Variants in PRCC observed in about 807,000 individuals in gnomAD.
The protein encoded by PRCC is proline-rich protein PRCC.
In PRCC, 10 loss-of-function variants were observed where a neutral mutation model predicts 44.0. That is an observed-to-expected ratio of 0.23 (90% CI 0.14 to 0.39). The LOEUF (loss-of-function observed/expected upper bound fraction) is 0.39. PRCC is among the 10% of genes least tolerant of loss of function. The pLI is 1.00. For synonymous variants in PRCC, 278 were observed against 259.5 expected, an observed-to-expected ratio of 1.07 and a Z score of -0.69; for missense variants, 573 against 624.7, an observed-to-expected ratio of 0.92 and a Z score of 0.88.
chr1:156,789,652 C>T (rs1156428197), intron 3 of PRCC, among the ~76,000 whole-genome samples: 1 of 151,894 alleles, frequency 6.6e-6, no homozygotes, highest in Non-Finnish European at 1.5e-5. Context: ...AAAGAGAATC[C>T]TGAGGGTGGT....
chr1:156,779,128 ATTTTTTTTTTTTTTTTTTT>A (rs869088692), intron 1 of PRCC, among the ~76,000 whole-genome samples: 23 of 35,884 alleles, frequency 6.4e-4, no homozygotes, highest in Admixed American at 6.3e-3. Context: ...ATATATATAT[ATTTTTTTTTTTTTTTTTTT>A]TTTTTTTTTT....
chr1:156,791,595 A>G, intron 3 of PRCC, 102 bp from the exon 4 acceptor site: 6 of 1,060,134 alleles, frequency 5.7e-6, no homozygotes, highest in Non-Finnish European at 1.4e-6. Flanking sequence ...CTATCTCACC[A>G]TTGCCTCTTT....
chr1:156,780,387 TTTTTAAATTTA>T (rs1288583015), intron 1 of PRCC, among the ~76,000 whole-genome samples: 1 of 151,688 alleles, frequency 6.6e-6, no homozygotes, highest in African/African-American at 2.4e-5. Flanking sequence ...TTGTTAATTT[TTTTTAAATTTA>T]TTTTAAATTT....
At chr1:156,783,768 A>T (rs1169249208) in intron 2 of PRCC, among the ~76,000 whole-genome samples, 1 of 151,528 alleles carries the variant, frequency 6.6e-6, no homozygotes, top group Non-Finnish European at 1.5e-5. Context: ...AAAATACATA[A>T]AAATAAAATA....
At chr1:156,770,149 G>A (rs1470507750) in intron 1 of PRCC, among the ~76,000 whole-genome samples, 2 of 152,196 alleles carry the variant, frequency 1.3e-5, no homozygotes, top group East Asian at 3.8e-4. Flanking sequence ...TGCCATTTGG[G>A]TTGGCTGAGG....
At chr1:156,791,093 G>A (rs776910370) in intron 3 of PRCC, 2 of 1,412,880 alleles carry the variant, frequency 1.4e-6, no homozygotes, top group South Asian at 1.1e-5. Flanking sequence ...TGGGCCACTC[G>A]CCTCTAAGGG....
chr1:156,786,553 A>G (rs1165360537), intron 2 of PRCC, 55 bp from the exon 3 acceptor site: 6 of 1,530,994 alleles, frequency 3.9e-6, no homozygotes, highest in African/African-American at 2.8e-5. Flanking sequence ...TTGCTAGTAC[A>G]TAAAATCTCA....
chr1:156,775,168 A>C (rs1651777989), intron 1 of PRCC, among the ~76,000 whole-genome samples: 1 of 151,876 alleles, frequency 6.6e-6, no homozygotes, highest in Non-Finnish European at 1.5e-5. Flanking sequence ...GAATGGTGTG[A>C]ACCCGGGAGG....
rs920296999 is a variant in PRCC, at chr1:156,768,249, C to T, written c.468+10C>T. 7.8e-6 allele frequency: 12 copies of T among 1,538,386 alleles called. No homozygotes were observed. In the Admixed American group the frequency reaches 1.2e-4, roughly 15 times the overall value. On this transcript the variant is annotated intron_variant, in intron 1 of 6. Transcript: ENST00000271526. ...GTTGCATAAGGGAGATGTGAGTATC[C>T]GGGGAAGGCACCCCCAAACTGTCCA...
At chr1:156,781,086 T>C (rs1409595244) in intron 1 of PRCC, among the ~76,000 whole-genome samples, 1 of 152,120 alleles carries the variant, frequency 6.6e-6, no homozygotes, top group Non-Finnish European at 1.5e-5. Context: ...GATTGTAAGT[T>C]CTTTGAGGGC....
chr1:156,800,313 AGAG>A (rs1652793141), intron 6 of PRCC, 58 bp from the exon 7 acceptor site: 7 of 1,511,718 alleles, frequency 4.6e-6, no homozygotes, highest in Non-Finnish European at 6.4e-6. Context: ...CACAGAGGCA[AGAG>A]GACAGCGTTT....
intron 5 of PRCC, chr1:156,797,014 C>T (rs1056064069): frequency 2.2e-4 from 97 of 442,206 alleles, no homozygotes; most frequent in Non-Finnish European, 3.7e-4. Context: ...GAAGACAGTC[C>T]TGACCTCAAA....
intron 5 of PRCC, 24 bp downstream of exon 5, chr1:156,794,832 T>C (rs1571595247): frequency 6.2e-7 from 1 of 1,613,450 alleles, no homozygotes; most frequent in South Asian, 1.1e-5. Context: ...GTCTATTGAG[T>C]GGTCAGCTTG....
At chr1:156,777,848 G>C (rs1247681191) in intron 1 of PRCC, among the ~76,000 whole-genome samples, 2 of 152,074 alleles carry the variant, frequency 1.3e-5, no homozygotes, top group Non-Finnish European at 2.9e-5. Flanking sequence ...TGGGAGGGGT[G>C]GGAGTGACAA....
chr1:156,794,949 A>G, intron 5 of PRCC, 141 bp downstream of exon 5: 1 of 1,065,190 alleles, frequency 9.4e-7, no homozygotes, highest in Non-Finnish European at 1.4e-6. Flanking sequence ...GTACTGGAGT[A>G]TGCACTAAAC....
At position 156,787,046 on chromosome 1, in the gene PRCC, G is replaced by T. The variant is rs1404708481; in HGVS notation, c.955G>T (p.Ala319Ser). 4 of 1,614,078 alleles carry T rather than the reference G, an allele frequency of 2.5e-6. No individual in the cohort carries two copies. In the South Asian group the frequency reaches 4.4e-5, roughly 18 times the overall value. The change falls in exon 3 of 7, where the codon GCC (alanine) becomes TCC (serine). Residue 319 changes from alanine to serine, a missense_variant. Physicochemically the swap from Ala to Ser is moderately conservative, Grantham distance 99. Coordinates refer to ENST00000271526, the MANE Select transcript of PRCC (RefSeq NM_005973.5). The part of the protein sequence containing the change: ...EPAFQDDAAN[A>S]PLEFKMAAGS... Reference sequence around the variant, plus strand: ...GGCTTTCCAGGACGATGCAGCCAATGCCCCCCTTGAATTCAAGATGGCAGC... The same window carrying T: ...GGCTTTCCAGGACGATGCAGCCAATTCCCCCCTTGAATTCAAGATGGCAGC...
chr1:156,779,128 A>ATATTTT (rs1651947127), intron 1 of PRCC, among the ~76,000 whole-genome samples: 2 of 35,882 alleles, frequency 5.6e-5, no homozygotes, highest in Non-Finnish European at 4.5e-5. Context: ...ATATATATAT[A>ATATTTT]TTTTTTTTTT....
chr1:156,799,370 A>G (rs1353125723), intron 6 of PRCC, among the ~76,000 whole-genome samples: 1 of 151,484 alleles, frequency 6.6e-6, no homozygotes, highest in Non-Finnish European at 1.5e-5. Context: ...AAAAAAACCC[A>G]TGTATGAGTG....
chr1:156,778,981 G>A (rs1385513546), intron 1 of PRCC, among the ~76,000 whole-genome samples: 1 of 149,452 alleles, frequency 6.7e-6, no homozygotes, highest in Non-Finnish European at 1.5e-5. Flanking sequence ...TATATTTTTA[G>A]TAGAGACGGG....
Sources: allele counts gnomAD v4.1 joint callset (sites outside exome capture counted in the v4.1 genomes callset), GRCh38; gene constraint gnomAD v4.1.1; transcripts MANE v1.5; gene names NCBI Gene and HGNC (gene_info 2026-07-23, HGNC 2026-07-21).